BNIP2: variants seen among roughly 807,000 people sequenced by gnomAD.
The protein encoded by BNIP2 is BCL2 interacting protein 2, also known as BCL2/adenovirus E1B 19 kDa protein-interacting protein 2.
Under a neutral mutation model 43.4 loss-of-function variants are expected in BNIP2, and 36 were observed. That is an observed-to-expected ratio of 0.83 (90% CI 0.64 to 1.10). The LOEUF (loss-of-function observed/expected upper bound fraction) is 1.10. BNIP2 is among the 50% of genes least tolerant of loss of function. The pLI, the probability that BNIP2 is intolerant of heterozygous loss-of-function variation, is 0.00. For synonymous variants in BNIP2, 146 were observed against 121.0 expected, an observed-to-expected ratio of 1.21 and a Z score of -1.35; for missense variants, 417 against 374.1, an observed-to-expected ratio of 1.11 and a Z score of -0.95.
Position 59,672,637 on chromosome 15 carries a change from T to C in BNIP2, c.575A>G (p.Lys192Arg). ...NYRYLMDNLF[K>R]YVIGTLELLV... ...ATGTTTTTGTTTAATATATACTTAC[T>C]TAAAAAGATTGTCCATCAGGTATCT... Residue 192 changes from lysine (K) to arginine (R), a missense_variant and splice_region_variant, in exon 6 of 10, where the codon AAA (lysine) becomes AGA (arginine). By Grantham distance (26) the Lys-to-Arg change is conservative (BLOSUM62 2). Transcript: ENST00000607373. 6.2e-7 allele frequency: 1 copy of C among 1,607,924 alleles called. No individual in the cohort carries two copies. Among genetic ancestry groups the C allele is most frequent in the Non-Finnish European group, 8.5e-7 (1 of 1,174,760 alleles).
intron 1 of BNIP2, chr15:59,688,840 G>C (rs1324914544): frequency 6.5e-7 from 1 of 1,528,928 alleles, no homozygotes; most frequent in African/African-American, 1.4e-5. Context: ...GTGGGGGAGC[G>C]GAGGAGGGGC....
chr15:59,682,155 C>T (rs1290265326), intron 2 of BNIP2, among the ~76,000 whole-genome samples: 2 of 151,882 alleles, frequency 1.3e-5, no homozygotes, highest in African/African-American at 2.4e-5. Flanking sequence ...GGTGAAACAC[C>T]GTCTCTATTA....
At chr15:59,680,585 G>C (rs6151506) in intron 2 of BNIP2, among the ~76,000 whole-genome samples, 46,083 of 151,998 alleles carry the variant, frequency 0.3, 7,792 homozygotes, top group East Asian at 0.54. Context: ...ATTTTTAGTA[G>C]AGACAGGGTC....
chr15:59,672,836 TA>T lies in BNIP2; in HGVS notation c.473-98del, dbSNP rs1232887654. ...GATTAGTAAATTATAAATAAGAGTTTACTTTTCACAGATTTCTGTATTAAAT... is the reference window on the plus strand; with the variant it reads ...GATTAGTAAATTATAAATAAGAGTTTCTTTTCACAGATTTCTGTATTAAAT... On this transcript the variant is annotated intron_variant, in intron 5 of 9. Coordinates refer to ENST00000607373, the MANE Select transcript of BNIP2 (RefSeq NM_004330.4). The T allele has an allele frequency of 3.7e-6, 3 of 811,388 alleles. No homozygotes were observed. In the African/African-American group the frequency reaches 5.2e-5, roughly 14 times the overall value. The allele number at this position is 811,388 out of a possible 1,614,324, so 50.3% of individuals were successfully genotyped here.
chr15:59,668,930 G>C lies in BNIP2; in HGVS notation c.855C>G (p.Val285=), dbSNP rs369604753. 8 of 1,613,562 alleles carry C rather than the reference G, an allele frequency of 5.0e-6. No individual in the cohort carries two copies. Among genetic ancestry groups the C allele is most frequent in the Non-Finnish European group, 6.8e-6 (8 of 1,179,740 alleles). ...CTGGTATGCCAACGTATTCCATGGG[G>C]ACAAGTTCTGCTAGTTCTGCCAAAT... ...VFNLAELAEL[V]PMEYVGIPEC... Residue 285 remains valine, a synonymous_variant, in exon 9 of 10, where the codon GTC becomes GTG. Transcript: ENST00000607373.
At chr15:59,668,696 G>A (rs1892708994) in intron 9 of BNIP2, 196 bp downstream of exon 9, 1 of 501,544 alleles carries the variant, frequency 2.0e-6, no homozygotes, top group Non-Finnish European at 3.5e-6. Context: ...CTGACAGCCT[G>A]AAGAAAATGC....
At chr15:59,679,966 A>G (rs1893556422) in intron 3 of BNIP2, among the ~76,000 whole-genome samples, 198 bp from the exon 4 acceptor site, 1 of 152,172 alleles carries the variant, frequency 6.6e-6, no homozygotes, top group Admixed American at 6.5e-5. Flanking sequence ...TAAAGTATCA[A>G]TGTCTTTTAA....
chr15:59,678,800 A>T (rs770470699), intron 4 of BNIP2: 16 of 1,303,292 alleles, frequency 1.2e-5, no homozygotes, highest in African/African-American at 1.5e-5. Context: ...TTCCAAGACA[A>T]AGCTGTTAAC....
At chr15:59,672,006 G>A (rs1164005868) in intron 6 of BNIP2, among the ~76,000 whole-genome samples, 1 of 152,156 alleles carries the variant, frequency 6.6e-6, no homozygotes, top group African/African-American at 2.4e-5. Context: ...AGCCCGTGAG[G>A]TCAAGGCTGC....
At chr15:59,677,795 C>A in intron 5 of BNIP2, 116 bp downstream of exon 5, 1 of 1,298,288 alleles carries the variant, frequency 7.7e-7, no homozygotes, top group Non-Finnish European at 1.0e-6. Flanking sequence ...GTCTCTCAAC[C>A]TAGCGCCTGT....
Position 59,668,888 on chromosome 15 carries a change from A to G in BNIP2, c.893+4T>C. The G allele has an allele frequency of 6.2e-7, 1 of 1,608,068 alleles. No individual in the cohort carries two copies. Among genetic ancestry groups the G allele is most frequent in the Non-Finnish European group, 8.5e-7 (1 of 1,175,468 alleles). ...TACAATTAAGGAAATAAAACAAAACATACTGTTTTATGCATTCTGGTATGC... is the reference window on the plus strand; with the variant it reads ...TACAATTAAGGAAATAAAACAAAACGTACTGTTTTATGCATTCTGGTATGC... On this transcript the variant is annotated splice_donor_region_variant and intron_variant, in intron 9 of 9. Transcript: ENST00000607373.
In BNIP2 at chr15:59,663,382, G is replaced by A. The variant is rs1892377612; in HGVS notation, c.*687C>T. Reference sequence around the variant, plus strand: ...AGTTCTAAGAATGGCTTTTTGACTTGTCTTTAAGTTTAGAAAGGAAAAAGT... The same window carrying A: ...AGTTCTAAGAATGGCTTTTTGACTTATCTTTAAGTTTAGAAAGGAAAAAGT... On this transcript the variant is annotated 3_prime_UTR_variant, in exon 10 of 10. Coordinates refer to ENST00000607373, the MANE Select transcript of BNIP2 (RefSeq NM_004330.4). The A allele has an allele frequency of 6.6e-6, 1 of 152,242 alleles. No individual in the cohort carries two copies. Among genetic ancestry groups the A allele is most frequent in the African/African-American group, 2.4e-5 (1 of 41,378 alleles). 9.4% of individuals were successfully genotyped at this position (152,242 alleles called of 1,614,324 possible). A position where few individuals can be genotyped will look rare whatever the true frequency, so the allele number is the denominator to read the frequency against.
rs924699763 is a variant in BNIP2 at position 59,669,259 on chromosome 15, T to C, written c.794+17A>G. ...ATAAAAAAAATAAAATTAAAGTCAATGGCTCTCAAAAATTACCTAATAAAT... is the reference window on the plus strand; with the variant it reads ...ATAAAAAAAATAAAATTAAAGTCAACGGCTCTCAAAAATTACCTAATAAAT... On this transcript the variant is annotated intron_variant, in intron 8 of 9. Transcript: ENST00000607373. 6.7e-7 allele frequency: 1 copy of C among 1,499,170 alleles called. No homozygotes were observed. Among genetic ancestry groups the C allele is most frequent in the South Asian group, 1.3e-5 (1 of 75,798 alleles). The allele number at this position is 1,499,170 out of a possible 1,614,324, so 92.9% of individuals were successfully genotyped here.
At chr15:59,668,648 T>C (rs1166200077) in intron 9 of BNIP2, 4 of 417,550 alleles carry the variant, frequency 9.6e-6, no homozygotes, top group Non-Finnish European at 4.3e-6. Flanking sequence ...AAGTATAACA[T>C]GAATCACAAC....
intron 1 of BNIP2, among the ~76,000 whole-genome samples, chr15:59,686,044 T>C (rs1220677887): frequency 6.6e-6 from 1 of 152,194 alleles, no homozygotes; most frequent in African/African-American, 2.4e-5. Context: ...CTCAATAGAT[T>C]GACTCTTGGT....
intron 5 of BNIP2, among the ~76,000 whole-genome samples, chr15:59,676,482 C>A (rs1893299075): frequency 6.6e-6 from 1 of 152,128 alleles, no homozygotes; most frequent in Admixed American, 6.5e-5. Context: ...AGCCACCGTG[C>A]CCAACCTGAC....
At position 59,681,566 on chromosome 15, in the gene BNIP2, T is replaced by C. The variant is rs539819023; in HGVS notation, c.50+842A>G. Among the ~76,000 whole-genome samples the C allele has an allele frequency of 2.6e-5, 4 of 152,076 alleles. No individual in the cohort carries two copies. In the East Asian group the frequency reaches 5.8e-4, roughly 22 times the overall value. On this transcript the variant is annotated intron_variant, in intron 2 of 9. Transcript: ENST00000607373. ...TGGGTTCAGGTGATTCTTGTGCCTC[T>C]GCCTCCTAAGCAGCTGGGACTACAG...
At position 59,662,101 on chromosome 15, in the gene BNIP2, A is replaced by G. The variant is rs1415682603; in HGVS notation, c.*1968T>C. On this transcript the variant is annotated 3_prime_UTR_variant, in exon 10 of 10. Coordinates refer to ENST00000607373, the MANE Select transcript of BNIP2 (RefSeq NM_004330.4). ...GCAAAATCAAAAATCAAAATAATGC[A>G]AAAAAGAGTTGAAGTTATTCTTCAT... is the stretch of plus-strand genomic sequence containing the variant. The G allele has an allele frequency of 6.6e-6, 1 of 152,232 alleles. No individual in the cohort carries two copies. The highest frequency in any genetic ancestry group is 2.4e-5 in the African/African-American group (1 of 41,452). 9.4% of individuals were successfully genotyped at this position (152,232 alleles called of 1,614,324 possible).
At chr15:59,680,344 TAAGA>T (rs1470362114) in intron 2 of BNIP2, 36 bp from the exon 3 acceptor site, 15 of 1,511,966 alleles carry the variant, frequency 9.9e-6, no homozygotes, top group East Asian at 2.3e-5. Flanking sequence ...ATCCAGAAAT[TAAGA>T]AAGAATTTTT....
Sources: gnomAD v4.1 joint callset for allele counts (sites outside exome capture counted in the v4.1 genomes callset) on GRCh38, gnomAD v4.1.1 for gene constraint, MANE v1.5 for transcripts, NCBI Gene and HGNC (gene_info 2026-07-23, HGNC 2026-07-21) for gene names.